Variants in GHR observed in about 807,000 individuals in gnomAD.
GHR encodes GH receptor.
GHR carries 35 observed loss-of-function variants against 67.1 expected under a neutral mutation model. The ratio of observed to expected loss-of-function variants is 0.52; its 90% CI spans 0.40 to 0.69. The LOEUF is 0.69. Ranked by LOEUF, GHR falls within the 30% of genes least tolerant of loss-of-function variation. The probability of loss-of-function intolerance (pLI) is 0.00; values close to 1 mark genes in which losing one functional copy is unlikely to be tolerated. For synonymous variants in GHR, 272 were observed against 269.1 expected (o/e 1.01, Z -0.10); for missense variants, 792 against 764.6 (o/e 1.04, Z -0.42).
chr5:42,642,116 G>T (rs1019633488), intron 3 of GHR, among the ~76,000 whole-genome samples: 1 of 152,176 alleles, frequency 6.6e-6, no homozygotes, highest in Non-Finnish European at 1.5e-5. Context: ...ATGATGGAAA[G>T]ATAGAAACTA....
intron 1 of GHR, among the ~76,000 whole-genome samples, chr5:42,538,152 A>G (rs922560502): frequency 6.6e-6 from 1 of 152,216 alleles, no homozygotes; most frequent in African/African-American, 2.4e-5. Flanking sequence ...TAGGGCATTT[A>G]CATTCAATGT....
intron 6 of GHR, among the ~76,000 whole-genome samples, chr5:42,707,033 C>CCATTTG (rs1272677216): frequency 6.6e-6 from 1 of 151,732 alleles, no homozygotes; most frequent in Non-Finnish European, 1.5e-5. Context: ...GAATGTTTTT[C>CCATTTG]CATTTGCGTT....
chr5:42,720,918 ATT>A lies in GHR; in HGVS notation c.*1498_*1499del. On this transcript the variant is annotated 3_prime_UTR_variant, in exon 10 of 10. Transcript: ENST00000230882. Reference sequence around the variant, plus strand: ...TCCCTTAATATCCTAAACATCATTCATTTTTGTTGTTGTTGTTGTTGTTGAGA... The same window carrying A: ...TCCCTTAATATCCTAAACATCATTCATTTGTTGTTGTTGTTGTTGTTGAGA... 2 of 75,440 alleles carry A rather than the reference ATT, an allele frequency of 2.7e-5. No individual in the cohort carries two copies. Among genetic ancestry groups the A allele is most frequent in the East Asian group, 4.4e-3 (2 of 450 alleles). 4.7% of individuals were successfully genotyped at this position (75,440 alleles called of 1,614,324 possible). A position where few individuals can be genotyped will look rare whatever the true frequency, so the allele number is the denominator to read the frequency against.
At chr5:42,444,244 G>A (rs766968883) in intron 1 of GHR, among the ~76,000 whole-genome samples, 17 of 152,130 alleles carry the variant, frequency 1.1e-4, no homozygotes, top group Admixed American at 1.0e-3. Flanking sequence ...TATAAAGAGA[G>A]GCATTCTCTT....
At chr5:42,598,846 A>C (rs1186597438) in intron 2 of GHR, among the ~76,000 whole-genome samples, 1 of 152,224 alleles carries the variant, frequency 6.6e-6, no homozygotes, top group Non-Finnish European at 1.5e-5. Flanking sequence ...CACACAGTCA[A>C]AGCCTTTTAA....
chr5:42,526,058 G>T (rs934431706), intron 1 of GHR, among the ~76,000 whole-genome samples: 2 of 152,124 alleles, frequency 1.3e-5, no homozygotes, highest in Non-Finnish European at 2.9e-5. Flanking sequence ...TAGTGAGGAA[G>T]GCATGTTGAA....
chr5:42,695,295 C>T (rs1757621039), intron 5 of GHR, among the ~76,000 whole-genome samples: 1 of 152,140 alleles, frequency 6.6e-6, no homozygotes, highest in Admixed American at 6.5e-5. Context: ...ATAAAGTAGC[C>T]TGGCAGTAAA....
At chr5:42,443,602 GACCAGTAGGGT>G (rs1743675370) in intron 1 of GHR, among the ~76,000 whole-genome samples, 1 of 152,092 alleles carries the variant, frequency 6.6e-6, no homozygotes, top group Non-Finnish European at 1.5e-5. Context: ...AGAGAAACAG[GACCAGTAGGGT>G]GTGTGTGTGT....
chr5:42,520,350 G>T (rs928684267), intron 1 of GHR, among the ~76,000 whole-genome samples: 1 of 152,156 alleles, frequency 6.6e-6, no homozygotes, highest in Non-Finnish European at 1.5e-5. Context: ...GTGATCTTGT[G>T]TAAATCCCCT....
At chr5:42,519,879 A>G (rs1747399797) in intron 1 of GHR, among the ~76,000 whole-genome samples, 1 of 152,110 alleles carries the variant, frequency 6.6e-6, no homozygotes, top group South Asian at 2.1e-4. Flanking sequence ...GAATTAAATG[A>G]CCATAAGTAC....
intron 3 of GHR, among the ~76,000 whole-genome samples, chr5:42,681,182 G>A (rs986607766): frequency 2.0e-5 from 3 of 151,280 alleles, no homozygotes; most frequent in African/African-American, 4.9e-5. Flanking sequence ...GCAACCTACA[G>A]AATGGGAGAA....
intron 2 of GHR, among the ~76,000 whole-genome samples, chr5:42,598,116 G>A (rs1262310172): frequency 6.6e-6 from 1 of 152,138 alleles, no homozygotes; most frequent in Non-Finnish European, 1.5e-5. Context: ...GGAAAGATGA[G>A]AGAGGGGACA....
intron 1 of GHR, chr5:42,468,704 C>G (rs1744853870): frequency 8.2e-6 from 8 of 979,368 alleles, no homozygotes; most frequent in Non-Finnish European, 1.3e-5. Flanking sequence ...GGGTCGCAGC[C>G]TGAGCTGCCG....
At chr5:42,505,202 A>G (rs1249347141) in intron 1 of GHR, among the ~76,000 whole-genome samples, 1 of 146,618 alleles carries the variant, frequency 6.8e-6, no homozygotes, top group Non-Finnish European at 1.5e-5. Context: ...TGAACTGTTG[A>G]CTGTTAGAGA....
intron 3 of GHR, among the ~76,000 whole-genome samples, chr5:42,688,503 A>G (rs1757266305): frequency 1.3e-5 from 2 of 152,218 alleles, no homozygotes; most frequent in African/African-American, 2.4e-5. Context: ...TAACCAGCTC[A>G]GAACACACAC....
At chr5:42,589,101 T>C (rs1292742857) in intron 2 of GHR, among the ~76,000 whole-genome samples, 1 of 152,228 alleles carries the variant, frequency 6.6e-6, no homozygotes, top group African/African-American at 2.4e-5. Flanking sequence ...TGACCTGTTG[T>C]TTCCTTTCTG....
At chr5:42,491,459 T>C (rs566419519) in intron 1 of GHR, among the ~76,000 whole-genome samples, 93 of 152,328 alleles carry the variant, frequency 6.1e-4, no homozygotes, top group Non-Finnish European at 1.1e-3. Context: ...CTACTTCTCC[T>C]AAGTATGGCC....
chr5:42,651,274 A>C (rs1459452570), intron 3 of GHR, among the ~76,000 whole-genome samples: 1 of 152,214 alleles, frequency 6.6e-6, no homozygotes, highest in East Asian at 1.9e-4. Flanking sequence ...CCACCTAACC[A>C]CATCTCTAAT....
At chr5:42,552,491 T>C in intron 1 of GHR, among the ~76,000 whole-genome samples, 1 of 152,168 alleles carries the variant, frequency 6.6e-6, no homozygotes, top group South Asian at 2.1e-4. Flanking sequence ...TTTCTAACTT[T>C]CCCTGGGATC....
Sources: gnomAD v4.1 joint callset for allele counts (sites outside exome capture counted in the v4.1 genomes callset) on GRCh38, gnomAD v4.1.1 for gene constraint, MANE v1.5 for transcripts, NCBI Gene and HGNC (gene_info 2026-07-23, HGNC 2026-07-21) for gene names.